CAMSAP3: variants seen among roughly 807,000 people sequenced by gnomAD.
The protein encoded by CAMSAP3 is calmodulin-regulated spectrin-associated protein 3.
In CAMSAP3, 34 loss-of-function variants were observed where a neutral mutation model predicts 112.5. The ratio of observed to expected loss-of-function variants is 0.30; its 90% CI spans 0.23 to 0.40. The LOEUF (loss-of-function observed/expected upper bound fraction) is 0.40. Ranked by LOEUF, CAMSAP3 falls within the 10% of genes least tolerant of loss-of-function variation. The pLI, the probability that CAMSAP3 is intolerant of heterozygous loss-of-function variation, is 1.00. For missense variants in CAMSAP3, 1,602 were observed against 1,770.3 expected, an observed-to-expected ratio of 0.90 and a Z score of 1.71; for synonymous variants, 868 against 799.8, an observed-to-expected ratio of 1.09 and a Z score of -1.44.
chr19:7,606,703 T>G (rs1471392634), intron 4 of CAMSAP3, 132 bp downstream of exon 4: 17 of 1,601,820 alleles, frequency 1.1e-5, no homozygotes, highest in Non-Finnish European at 1.1e-5. Flanking sequence ...TTCCCCCCTC[T>G]CTCAATCTCT....
chr19:7,613,751 A>C (rs1261878618), intron 11 of CAMSAP3, among the ~76,000 whole-genome samples: 1 of 151,890 alleles, frequency 6.6e-6, no homozygotes, highest in Non-Finnish European at 1.5e-5. Context: ...CTCCTTGCTC[A>C]TCCTCTCCTT....
rs932012800 is a variant in CAMSAP3 at position 7,611,165 on chromosome 19, A to G, written c.1120A>G (p.Thr374Ala). The G allele has an allele frequency of 6.2e-7, 1 of 1,613,264 alleles. No homozygotes were observed. Among genetic ancestry groups the G allele is most frequent in the Non-Finnish European group, 8.5e-7 (1 of 1,179,892 alleles). The part of the protein sequence containing the change: ...GGPQSPLRGS[T>A]GSLKSSPSMS... ...CCCCCAGTCCCCACTCCGAGGATCC[A>G]CAGGTGAGGAGGGGGTAGGTGGCTT... The change falls in exon 9 of 17, where the codon ACA (threonine) becomes GCA (alanine). Residue 374 changes from threonine to alanine, a missense_variant. Thr to Ala is a moderately conservative substitution (Grantham distance 58, BLOSUM62 0). Transcript: ENST00000160298. This position sits in a 1 kb window ranked among gnomAD's most constrained non-coding sequence, Gnocchi z 6.9.
At position 7,615,096 on chromosome 19, in the gene CAMSAP3, G is replaced by A. The variant is rs1343506804; in HGVS notation, c.2671-87G>A. The A allele has an allele frequency of 6.7e-7, 1 of 1,488,828 alleles. No homozygotes were observed. The highest frequency in any genetic ancestry group is 1.2e-5 in the South Asian group (1 of 82,592). 92.2% of individuals were successfully genotyped at this position (1,488,828 alleles called of 1,614,324 possible). On this transcript the variant is annotated intron_variant, in intron 11 of 16. Coordinates refer to ENST00000160298, the MANE Select transcript of CAMSAP3 (RefSeq NM_020902.2). This position sits in a 1 kb window ranked among gnomAD's most constrained non-coding sequence, Gnocchi z 6.5. ...ATGATGAAAACAAAAGCACAGGTGG[G>A]TGGCGGGCAGGCTGGGTGGAGGGAA...
intron 4 of CAMSAP3, 83 bp downstream of exon 4, chr19:7,606,654 A>G: frequency 6.5e-7 from 1 of 1,545,210 alleles, no homozygotes; most frequent in Non-Finnish European, 8.8e-7. Context: ...GACACTCCTG[A>G]AGTGGGGAGG....
rs961906198 is a variant in CAMSAP3 at position 7,615,739 on chromosome 19, G to A, written c.3112+20G>A. The A allele has an allele frequency of 6.0e-5, 83 of 1,387,522 alleles. No homozygotes were observed. Among genetic ancestry groups the A allele is most frequent in the Middle Eastern group, 2.6e-4 (1 of 3,920 alleles). 86.0% of individuals were successfully genotyped at this position (1,387,522 alleles called of 1,614,324 possible). A position where few individuals can be genotyped will look rare whatever the true frequency, so the allele number is the denominator to read the frequency against. On this transcript the variant is annotated intron_variant, in intron 13 of 16. Coordinates refer to ENST00000160298, the MANE Select transcript of CAMSAP3 (RefSeq NM_020902.2). This position sits in a 1 kb window ranked among gnomAD's most constrained non-coding sequence, Gnocchi z 6.5. ...TGCTGGGTGAGGACCCTTGGGGGAC[G>A]GGGCCTGCCCAGTGCCCTTTCCGGG...
chr19:7,605,339 T>A lies in CAMSAP3; in HGVS notation c.262T>A (p.Trp88Arg). The A allele has an allele frequency of 6.2e-7, 1 of 1,608,966 alleles. No individual in the cohort carries two copies. ...LLSAELYCRAWRQALPQLETP... is the reference protein window; with the variant it reads ...LLSAELYCRARRQALPQLETP... ...CTCAGCCGAGCTCTACTGCAGAGCC[T>A]GGCGCCAGGCACTGCCACAGCTTGA... Residue 88 changes from tryptophan (W) to arginine (R), a missense_variant, in exon 2 of 17, where the codon TGG becomes AGG. Physicochemically the swap from Trp to Arg is moderately radical, Grantham distance 101. This residue lies in a region of CAMSAP3 where 147 missense variants were observed against 144.6 expected (regional missense o/e 1.02). Transcript: ENST00000160298.
In CAMSAP3 at chr19:7,610,689, C is replaced by T. The variant is rs1363758846; in HGVS notation, c.901-11C>T. 1 of 1,613,956 alleles carries T rather than the reference C, an allele frequency of 6.2e-7. No homozygotes were observed. The highest frequency in any genetic ancestry group is 1.7e-5 in the Admixed American group (1 of 60,032). ...GGGGTCCCGTCTGCTGACCCGGCCT[C>T]CCACCTCCAGGTCAACTTGGTGGTG... On this transcript the variant is annotated splice_polypyrimidine_tract_variant and intron_variant, in intron 6 of 16. Transcript: ENST00000160298. This position sits in a 1 kb window ranked among gnomAD's most constrained non-coding sequence, Gnocchi z 4.9.
At position 7,611,079 on chromosome 19, in the gene CAMSAP3, A is replaced by C. The variant is rs2030459561; in HGVS notation, c.1050-16A>C. ...GAGGTGGGGGTCCTGAGGCTGAAGT[A>C]CGTCTCTCCGTACAGTTCTCCTGTC... On this transcript the variant is annotated splice_polypyrimidine_tract_variant and intron_variant, in intron 8 of 16. Coordinates refer to ENST00000160298, the MANE Select transcript of CAMSAP3 (RefSeq NM_020902.2). The surrounding 1 kb of genome is among the most constrained non-coding windows in gnomAD (Gnocchi z 6.9). The C allele has an allele frequency of 6.2e-7, 1 of 1,613,434 alleles. No homozygotes were observed. The highest frequency in any genetic ancestry group is 1.7e-5 in the Admixed American group (1 of 59,978).
At chr19:7,606,154 CCA>C in intron 2 of CAMSAP3, 115 bp from the exon 3 acceptor site, 2 of 488,834 alleles carry the variant, frequency 4.1e-6, no homozygotes, top group Non-Finnish European at 3.5e-6. Context: ...CCCTCAAGCC[CCA>C]CCCCCCCCGT....
In CAMSAP3 at chr19:7,612,559, G is replaced by A. The variant is rs1175101964; in HGVS notation, c.2066G>A (p.Gly689Asp). The A allele has an allele frequency of 6.5e-7, 1 of 1,535,564 alleles. No homozygotes were observed. Among genetic ancestry groups the A allele is most frequent in the Non-Finnish European group, 8.7e-7 (1 of 1,145,554 alleles). ...GCAGTGACCTTCTCGCCAGACCTGG[G>A]CCCGGTGCCCCACGAGGGGCTGGGG... ...PKAVTFSPDL[G>D]PVPHEGLGEY... Residue 689 changes from glycine (G) to aspartate (D), a missense_variant, in exon 11 of 17, where the codon GGC becomes GAC. By Grantham distance (94) the Gly-to-Asp change is moderately conservative. Transcript: ENST00000160298.
At position 7,610,963 on chromosome 19, in the gene CAMSAP3, A is replaced by T. The variant is rs761354376; in HGVS notation, c.1049+32A>T. On this transcript the variant is annotated intron_variant, in intron 8 of 16. Transcript: ENST00000160298. The surrounding 1 kb of genome is among the most constrained non-coding windows in gnomAD (Gnocchi z 4.9). ...TCCCCACACTGGGCGAGTCTCTGGCATTGTGGGTGTGGGGCTCCATGTCTG... is the reference window on the plus strand; with the variant it reads ...TCCCCACACTGGGCGAGTCTCTGGCTTTGTGGGTGTGGGGCTCCATGTCTG... The T allele has an allele frequency of 6.3e-7, 1 of 1,575,552 alleles. No individual in the cohort carries two copies. The highest frequency in any genetic ancestry group is 8.6e-7 in the Non-Finnish European group (1 of 1,156,754).
chr19:7,603,511 G>A (rs1017239226), intron 1 of CAMSAP3, among the ~76,000 whole-genome samples: 15 of 151,456 alleles, frequency 9.9e-5, no homozygotes, highest in Admixed American at 5.3e-4. Flanking sequence ...CACTGCACCC[G>A]GCCCCCACCC....
chr19:7,609,232 C>T (rs952406442), intron 5 of CAMSAP3, among the ~76,000 whole-genome samples: 17 of 150,468 alleles, frequency 1.1e-4, no homozygotes, highest in East Asian at 2.0e-4. Flanking sequence ...GCAGGAGAAT[C>T]GCTTGAACCC....
At chr19:7,596,703 C>T (rs1325551027) in intron 1 of CAMSAP3, among the ~76,000 whole-genome samples, 1 of 151,016 alleles carries the variant, frequency 6.6e-6, no homozygotes. Context: ...CTGCGGGCGG[C>T]GACCGGGGAG....
chr19:7,605,360 C>T lies in CAMSAP3; in HGVS notation c.283C>T (p.Leu95Phe), dbSNP rs749554062. ...AGCCTGGCGCCAGGCACTGCCACAG[C>T]TTGAAACACCCCCCAACCCCTCTGC... ...CRAWRQALPQ[L>F]ETPPNPSALL... The change falls in exon 2 of 17, where the codon CTT becomes TTT. Residue 95 changes from leucine (L) to phenylalanine (F), a missense_variant. Around this residue, in one of 6 missense-constraint regions of CAMSAP3, gnomAD observed 147 missense variants for 144.6 expected, o/e 1.02. Coordinates refer to ENST00000160298, the MANE Select transcript of CAMSAP3 (RefSeq NM_020902.2). 6.2e-7 allele frequency: 1 copy of T among 1,603,422 alleles called. No individual in the cohort carries two copies. The highest frequency in any genetic ancestry group is 8.5e-7 in the Non-Finnish European group (1 of 1,173,542).
At chr19:7,596,307 C>T (rs2024439687) in intron 1 of CAMSAP3, among the ~76,000 whole-genome samples, 157 bp downstream of exon 1, 1 of 150,240 alleles carries the variant, frequency 6.7e-6, no homozygotes, top group Non-Finnish European at 1.5e-5. Flanking sequence ...GCGCCGGGGC[C>T]TCCGAGCTTC....
intron 1 of CAMSAP3, among the ~76,000 whole-genome samples, chr19:7,604,860 G>A (rs1487795564): frequency 6.6e-6 from 1 of 152,140 alleles, no homozygotes; most frequent in Non-Finnish European, 1.5e-5. Context: ...AAGGCTCTTA[G>A]GATTGCCGAT....
chr19:7,614,957 T>C (rs1004982520), intron 11 of CAMSAP3: 1 of 595,916 alleles, frequency 1.7e-6, no homozygotes, highest in South Asian at 2.0e-5. Flanking sequence ...TCTTCCCCGT[T>C]GGGTTAAGCA....
rs2030540433 is a variant in CAMSAP3, at chr19:7,612,336, G to A, written c.1843G>A (p.Glu615Lys). 2 of 1,604,530 alleles carry A rather than the reference G, an allele frequency of 1.2e-6. No homozygotes were observed. Among genetic ancestry groups the A allele is most frequent in the East Asian group, 2.2e-5 (1 of 44,636 alleles). Reference protein sequence around the residue: ...ARLEEKRRAIEAQKRRIEAIF... With the variant: ...ARLEEKRRAIKAQKRRIEAIF... ...GCTGGAGGAGAAACGCAGAGCCATC[G>A]AGGCTCAGAAGCGACGGATTGAGGC... Residue 615 changes from glutamate to lysine, a missense_variant, in exon 11 of 17, where the codon GAG (glutamate) becomes AAG (lysine). By Grantham distance (56) the Glu-to-Lys change is moderately conservative. Coordinates refer to ENST00000160298, the MANE Select transcript of CAMSAP3 (RefSeq NM_020902.2).
Sources: allele counts gnomAD v4.1 joint callset (sites outside exome capture counted in the v4.1 genomes callset), GRCh38; gene constraint gnomAD v4.1.1; regional missense constraint gnomAD v4.1.1; non-coding constraint Gnocchi (gnomAD v3.1); transcripts MANE v1.5; gene names NCBI Gene and HGNC (gene_info 2026-07-23, HGNC 2026-07-21).